ADGRL3: variants seen among roughly 807,000 people sequenced by gnomAD.
The protein encoded by ADGRL3 is calcium-independent alpha-latrotoxin receptor 3.
A neutral mutation model predicts 153.5 loss-of-function variants in ADGRL3; 62 were observed. The observed-to-expected ratio is 0.40, with a 90% CI of 0.33 to 0.50. The LOEUF (loss-of-function observed/expected upper bound fraction) is 0.50. ADGRL3 is among the 20% of genes least tolerant of loss of function. ADGRL3 has a pLI of 0.47. For synonymous variants in ADGRL3, 710 were observed against 672.5 expected, an observed-to-expected ratio of 1.06 and a Z score of -0.86; for missense variants, 1,641 against 1,859.4, an observed-to-expected ratio of 0.88 and a Z score of 2.16.
intron 4 of ADGRL3, among the ~76,000 whole-genome samples, chr4:61,584,582 T>C (rs2098938922): frequency 6.6e-6 from 1 of 152,060 alleles, no homozygotes; most frequent in Non-Finnish European, 1.5e-5. Context: ...TTAACCTTTT[T>C]TTAAAAAACT....
chr4:61,242,283 G>A (rs1048804549), intron 1 of ADGRL3, among the ~76,000 whole-genome samples: 1 of 151,838 alleles, frequency 6.6e-6, no homozygotes. Flanking sequence ...TGGTACATTC[G>A]TTGCCCTGCA....
chr4:61,733,493 A>G lies in ADGRL3; in HGVS notation c.1338A>G (p.Val446=). ...ACCCCAGGGACAACCTACTTTATGT[A>G]TGGAATAACTATCACGTCGTGAAAT... ...DYNPRDNLLY[V]WNNYHVVKYS... The change falls in exon 8 of 27, where the codon GTA becomes GTG. Residue 446 remains valine (V), a synonymous_variant. Coordinates refer to ENST00000683033, the MANE Select transcript of ADGRL3 (RefSeq NM_001387552.1). 6.2e-7 allele frequency: 1 copy of G among 1,613,720 alleles called. No individual in the cohort carries two copies. Among genetic ancestry groups the G allele is most frequent in the Non-Finnish European group, 8.5e-7 (1 of 1,179,778 alleles).
At chr4:61,476,358 C>T (rs2098052432) in intron 2 of ADGRL3, among the ~76,000 whole-genome samples, 1 of 152,014 alleles carries the variant, frequency 6.6e-6, no homozygotes, top group African/African-American at 2.4e-5. Context: ...CCCCAGGTAG[C>T]TGGGATTACA....
At chr4:61,741,267 T>C (rs2096577707) in intron 8 of ADGRL3, among the ~76,000 whole-genome samples, 1 of 152,200 alleles carries the variant, frequency 6.6e-6, no homozygotes, top group South Asian at 2.1e-4. Context: ...ATCAAACTTG[T>C]CCTCAGCCTA....
At chr4:61,751,123 A>G (rs2096752198) in intron 8 of ADGRL3, among the ~76,000 whole-genome samples, 1 of 152,138 alleles carries the variant, frequency 6.6e-6, no homozygotes, top group Non-Finnish European at 1.5e-5. Flanking sequence ...CTCCTTAATG[A>G]TAATCTAACT....
chr4:61,426,283 T>C (rs1648433653), intron 2 of ADGRL3, among the ~76,000 whole-genome samples: 1 of 152,330 alleles, frequency 6.6e-6, no homozygotes, highest in Non-Finnish European at 1.5e-5. Context: ...TGTCTCCTTC[T>C]TGGTGATCAC....
chr4:61,512,774 A>C (rs2098470491), intron 3 of ADGRL3, among the ~76,000 whole-genome samples: 1 of 152,134 alleles, frequency 6.6e-6, no homozygotes, highest in Admixed American at 6.5e-5. Flanking sequence ...CCTGAGCAGT[A>C]GGGGAAAGGA....
intron 2 of ADGRL3, among the ~76,000 whole-genome samples, chr4:61,449,804 A>G (rs182341673): frequency 6.6e-6 from 1 of 152,286 alleles, no homozygotes; most frequent in East Asian, 1.9e-4. Context: ...ACGTGTTCAT[A>G]TTCACCACCT....
chr4:61,979,809 C>A, intron 18 of ADGRL3, 37 bp downstream of exon 18: 3 of 1,547,198 alleles, frequency 1.9e-6, no homozygotes, highest in Non-Finnish European at 2.7e-6. Context: ...AAGAATTTTT[C>A]CACTTCCAGC....
intron 8 of ADGRL3, among the ~76,000 whole-genome samples, chr4:61,791,240 G>A (rs931401758): frequency 1.3e-5 from 2 of 152,302 alleles, no homozygotes; most frequent in Middle Eastern, 3.4e-3. Flanking sequence ...AAGCAAGTTA[G>A]TTACTACCTA....
At chr4:61,248,404 T>C (rs954831093) in intron 1 of ADGRL3, among the ~76,000 whole-genome samples, 2 of 152,192 alleles carry the variant, frequency 1.3e-5, no homozygotes, top group Admixed American at 6.5e-5. Flanking sequence ...TTATTTTCAC[T>C]GCCTCAGTCA....
chr4:61,439,703 T>C (rs1259743631), intron 2 of ADGRL3, among the ~76,000 whole-genome samples: 1 of 152,126 alleles, frequency 6.6e-6, no homozygotes, highest in Non-Finnish European at 1.5e-5. Flanking sequence ...GAATATGCAG[T>C]ATTTGGCTTT....
intron 6 of ADGRL3, among the ~76,000 whole-genome samples, chr4:61,728,720 T>C (rs2096390053): frequency 6.6e-6 from 1 of 152,086 alleles, no homozygotes; most frequent in African/African-American, 2.4e-5. Flanking sequence ...TTCTGAAAAC[T>C]TCTTTGTAGG....
chr4:61,822,293 G>C (rs2097762993), intron 9 of ADGRL3, among the ~76,000 whole-genome samples: 1 of 152,150 alleles, frequency 6.6e-6, no homozygotes, highest in South Asian at 2.1e-4. Context: ...AGTATAGCTT[G>C]TTAATATTAA....
At chr4:61,219,112 C>G (rs1251908316) in intron 1 of ADGRL3, among the ~76,000 whole-genome samples, 4 of 152,114 alleles carry the variant, frequency 2.6e-5, no homozygotes, top group Admixed American at 2.0e-4. Flanking sequence ...CTGGCCTCAG[C>G]TGATTCATGT....
intron 8 of ADGRL3, among the ~76,000 whole-genome samples, chr4:61,754,808 C>T (rs959216154): frequency 1.3e-5 from 2 of 152,030 alleles, no homozygotes; most frequent in African/African-American, 4.8e-5. Flanking sequence ...TGTGATGTTC[C>T]CCTTCCTGTG....
chr4:61,549,115 C>A (rs1363603543), intron 4 of ADGRL3, among the ~76,000 whole-genome samples: 1 of 151,920 alleles, frequency 6.6e-6, no homozygotes, highest in Non-Finnish European at 1.5e-5. Context: ...AATGGGATTG[C>A]ATTCTTGATT....
intron 9 of ADGRL3, among the ~76,000 whole-genome samples, chr4:61,867,540 A>ATATATATG (rs201200813): frequency 7.6e-6 from 1 of 132,122 alleles, no homozygotes; most frequent in African/African-American, 2.7e-5. Flanking sequence ...ATATATATAT[A>ATATATATG]ATTGTAGGAG....
chr4:61,272,179 T>C (rs1327689686), intron 1 of ADGRL3, among the ~76,000 whole-genome samples: 1 of 152,036 alleles, frequency 6.6e-6, no homozygotes, highest in African/African-American at 2.4e-5. Flanking sequence ...TGATTTCTTA[T>C]GCAAAAGCAG....
Sources: gnomAD v4.1 joint callset for allele counts (sites outside exome capture counted in the v4.1 genomes callset) on GRCh38, gnomAD v4.1.1 for gene constraint, MANE v1.5 for transcripts, NCBI Gene and HGNC (gene_info 2026-07-23, HGNC 2026-07-21) for gene names.